ST18: variants seen among roughly 807,000 people sequenced by gnomAD.
ST18 encodes the protein suppression of tumorigenicity 18 protein.
A neutral mutation model predicts 110.0 loss-of-function variants in ST18; 50 were observed. The observed-to-expected ratio is 0.45, with a 90% confidence interval of 0.36 to 0.58. The LOEUF is 0.58. Among genes scored for constraint, ST18 ranks in the 20% least tolerant of loss-of-function variants. ST18 has a pLI of 0.00. For missense variants in ST18, 1,306 were observed against 1,280.1 expected (o/e 1.02, Z -0.31); for synonymous variants, 461 against 452.4 (o/e 1.02, Z -0.24).
chr8:52,207,058 A>T (rs2080342637), intron 8 of ST18, among the ~76,000 whole-genome samples: 1 of 152,222 alleles, frequency 6.6e-6, no homozygotes, highest in Non-Finnish European at 1.5e-5. Flanking sequence ...ATTCTAAAAA[A>T]ATTCCAAAAT....
intron 2 of ST18, among the ~76,000 whole-genome samples, chr8:52,336,522 C>T (rs972351273): frequency 6.6e-6 from 1 of 152,174 alleles, no homozygotes; most frequent in Non-Finnish European, 1.5e-5. Context: ...TCTACATTTT[C>T]TGCTCTCCCA....
chr8:52,396,252 GACT>G lies in ST18; in HGVS notation c.-465+13073_-465+13075del, dbSNP rs1389197810. Among the ~76,000 whole-genome samples the G allele has an allele frequency of 1.1e-4, 17 of 151,970 alleles. 1 individual carries two copies. The highest frequency in any genetic ancestry group is 1.1e-3 in the Admixed American group (17 of 15,254). ...CTCTAGACTTTTTCATTCTACATAT[GACT>G]ACTTTATTTTTTTGACCTACATCTC... On this transcript the variant is annotated intron_variant, in intron 2 of 25. Coordinates refer to ENST00000689386, the MANE Select transcript of ST18 (RefSeq NM_001352837.2).
chr8:52,319,070 T>A (rs2096078280), intron 2 of ST18, among the ~76,000 whole-genome samples: 1 of 152,174 alleles, frequency 6.6e-6, no homozygotes, highest in South Asian at 2.1e-4. Flanking sequence ...TCTGTACATG[T>A]ACCCCTGAAC....
At chr8:52,212,578 G>A (rs1324027428) in intron 7 of ST18, among the ~76,000 whole-genome samples, 2 of 152,112 alleles carry the variant, frequency 1.3e-5, no homozygotes, top group African/African-American at 4.8e-5. Context: ...GGGAGGATGA[G>A]CTTCAGCCAT....
At chr8:52,262,311 G>A (rs56368579) in intron 2 of ST18, among the ~76,000 whole-genome samples, 8,559 of 152,208 alleles carry the variant, frequency 0.056, 803 homozygotes, top group African/African-American at 0.2. Flanking sequence ...CTTTTGGGGT[G>A]CGCATTCAAA....
chr8:52,215,230 G>T (rs1007717639), intron 6 of ST18, among the ~76,000 whole-genome samples: 1 of 152,172 alleles, frequency 6.6e-6, no homozygotes, highest in Non-Finnish European at 1.5e-5. Context: ...GCACTGACCT[G>T]CCATAGACTT....
At chr8:52,250,482 A>AAAAAAAAAAAACC (rs2094214487) in intron 2 of ST18, among the ~76,000 whole-genome samples, 1 of 148,462 alleles carries the variant, frequency 6.7e-6, no homozygotes, top group Admixed American at 6.8e-5. Flanking sequence ...AAAAAAGATC[A>AAAAAAAAAAAACC]AAACTAAACC....
intron 2 of ST18, among the ~76,000 whole-genome samples, chr8:52,276,767 CT>C (rs112922704): frequency 0.026 from 3,724 of 140,538 alleles, 67 homozygotes; most frequent in African/African-American, 0.064. Context: ...CCTATAAAAT[CT>C]TTTTTTTTTT....
intron 2 of ST18, among the ~76,000 whole-genome samples, chr8:52,384,932 T>C (rs963626112): frequency 6.6e-6 from 1 of 152,136 alleles, no homozygotes; most frequent in Non-Finnish European, 1.5e-5. Context: ...TGTTGGAGGA[T>C]ATGAAAGAAA....
At chr8:52,355,711 C>T (rs981153708) in intron 2 of ST18, among the ~76,000 whole-genome samples, 4 of 152,170 alleles carry the variant, frequency 2.6e-5, no homozygotes, top group African/African-American at 9.7e-5. Flanking sequence ...TACCATTCTC[C>T]AATCCTTAGG....
intron 8 of ST18, among the ~76,000 whole-genome samples, chr8:52,202,330 C>T (rs1210538076): frequency 6.6e-5 from 10 of 151,986 alleles, no homozygotes; most frequent in African/African-American, 1.9e-4. Flanking sequence ...ACATCATGTA[C>T]GAGGCCTACA....
intron 2 of ST18, among the ~76,000 whole-genome samples, chr8:52,253,334 T>C (rs1322885434): frequency 6.6e-6 from 1 of 152,242 alleles, no homozygotes; most frequent in East Asian, 1.9e-4. Context: ...TAATATTTCA[T>C]TGAAATCATC....
intron 2 of ST18, among the ~76,000 whole-genome samples, chr8:52,267,726 GAA>G (rs1297172602): frequency 6.6e-6 from 1 of 152,168 alleles, no homozygotes; most frequent in Non-Finnish European, 1.5e-5. Context: ...GTTAAGCACA[GAA>G]AAAATGTTAA....
In ST18 at chr8:52,113,134, T is replaced by G. The variant is rs1260493601; in HGVS notation, c.*64A>C. 4.4e-6 allele frequency: 7 copies of G among 1,597,454 alleles called. No individual in the cohort carries two copies. The highest frequency in any genetic ancestry group is 6.0e-6 in the Non-Finnish European group (7 of 1,172,468). On this transcript the variant is annotated 3_prime_UTR_variant, in exon 26 of 26. Transcript: ENST00000689386. The stretch of plus-strand genomic sequence containing the variant: ...TCCACGCCTTAGCAGTACATGAACC[T>G]CTAACAGATCCATCTGGAGTTTACT...
At chr8:52,398,937 G>A (rs573682077) in intron 2 of ST18, among the ~76,000 whole-genome samples, 87 of 152,080 alleles carry the variant, frequency 5.7e-4, no homozygotes, top group Middle Eastern at 6.8e-3. Context: ...AGGTATCAAG[G>A]TAATAATGCC....
At chr8:52,166,594 G>C (rs898807021) in intron 11 of ST18, among the ~76,000 whole-genome samples, 5 of 152,182 alleles carry the variant, frequency 3.3e-5, no homozygotes, top group Non-Finnish European at 5.9e-5. Flanking sequence ...CTGTGCTGTG[G>C]CCTGGCCCTT....
At chr8:52,147,842 G>A (rs2057751418) in intron 16 of ST18, among the ~76,000 whole-genome samples, 1 of 152,208 alleles carries the variant, frequency 6.6e-6, no homozygotes, top group Admixed American at 6.5e-5. Context: ...AAGCAGTCAT[G>A]TGAATTGAAG....
Position 52,131,949 on chromosome 8 carries a change from T to C in ST18, c.2666+9A>G. ...ACACTACAACAAAAAGACAGAAAAC[T>C]CATGTTACCTTCGGTGGGTGACAAA... On this transcript the variant is annotated intron_variant, in intron 22 of 25. Coordinates refer to ENST00000689386, the MANE Select transcript of ST18 (RefSeq NM_001352837.2). 6.2e-7 allele frequency: 1 copy of C among 1,613,478 alleles called. No homozygotes were observed. The highest frequency in any genetic ancestry group is 8.5e-7 in the Non-Finnish European group (1 of 1,179,694).
chr8:52,268,700 A>G (rs766165687), intron 2 of ST18, among the ~76,000 whole-genome samples: 2 of 152,218 alleles, frequency 1.3e-5, no homozygotes, highest in Non-Finnish European at 2.9e-5. Flanking sequence ...TAGGGGACAT[A>G]AAAGAGACCA....
Sources: gnomAD v4.1 joint callset for allele counts (sites outside exome capture counted in the v4.1 genomes callset) on GRCh38, gnomAD v4.1.1 for gene constraint, MANE v1.5 for transcripts, NCBI Gene and HGNC (gene_info 2026-07-23, HGNC 2026-07-21) for gene names.